Variants in WDR76 observed in about 807,000 individuals in gnomAD.
WDR76 encodes WD repeat-containing protein 76.
Under a neutral mutation model 70.2 loss-of-function variants are expected in WDR76, and 52 were observed. The ratio of observed to expected loss-of-function variants is 0.74; its 90% CI spans 0.59 to 0.93. The LOEUF is 0.93. Ranked by LOEUF, WDR76 falls within the 40% of genes least tolerant of loss-of-function variation. The pLI is 0.00. For synonymous variants in WDR76, 292 were observed against 271.1 expected (o/e 1.08, Z -0.76); for missense variants, 756 against 760.2 (o/e 0.99, Z 0.07).
At chr15:43,855,691 G>A (rs1567191106) in intron 9 of WDR76, among the ~76,000 whole-genome samples, 2 of 152,014 alleles carry the variant, frequency 1.3e-5, no homozygotes, top group African/African-American at 2.4e-5. Flanking sequence ...TTAATAACGT[G>A]CTCATGATAT....
chr15:43,839,569 T>C (rs1259970136), intron 4 of WDR76, 36 bp from the exon 5 acceptor site: 1 of 1,578,480 alleles, frequency 6.3e-7, no homozygotes. Context: ...TTTATTGTTT[T>C]GTGAGTATAA....
chr15:43,840,159 C>T (rs994854266), intron 5 of WDR76, among the ~76,000 whole-genome samples: 2 of 152,026 alleles, frequency 1.3e-5, no homozygotes, highest in Non-Finnish European at 2.9e-5. Flanking sequence ...GTGCCCGGCC[C>T]ATTTGTACGC....
chr15:43,866,736 C>T lies in WDR76; in HGVS notation c.*344C>T, dbSNP rs553846182. ...CCGCCTCCCAGGTTCAAGCGATTCT[C>T]CTGCCTCAGACTCCTAAGTAGCTGG... On this transcript the variant is annotated 3_prime_UTR_variant, in exon 13 of 13. Transcript: ENST00000263795. The T allele has an allele frequency of 9.2e-4, 195 of 211,478 alleles. 2 individuals are homozygous for T. In the South Asian group the frequency reaches 0.015, roughly 16 times the overall value. The allele number at this position is 211,478 out of a possible 1,614,324, so 13.1% of individuals were successfully genotyped here. A position where few individuals can be genotyped will look rare whatever the true frequency, so the allele number is the denominator to read the frequency against.
rs767669645 is a variant in WDR76 at position 43,866,379 on chromosome 15, A to G, written c.1868A>G (p.Glu623Gly). The G allele has an allele frequency of 2.5e-5, 41 of 1,613,736 alleles. No individual in the cohort carries two copies. The South Asian group carries it at 3.1e-4, about 12-fold the overall frequency. ...SSGKIHVFMN[E>G]KSC ...GGGAAGATACATGTTTTTATGAATG[A>G]AAAAAGCTGCTGAGTTTTTGGTTTA... Residue 623 changes from glutamate (E) to glycine (G), a missense_variant, in exon 13 of 13, where the codon GAA becomes GGA. Transcript: ENST00000263795.
intron 9 of WDR76, among the ~76,000 whole-genome samples, chr15:43,855,985 A>T (rs1000559752): frequency 6.6e-6 from 1 of 152,212 alleles, no homozygotes; most frequent in Non-Finnish European, 1.5e-5. Flanking sequence ...AAGTACACCT[A>T]TGCTTACAAG....
chr15:43,828,498 T>TA, intron 2 of WDR76, 132 bp downstream of exon 2: 3 of 792,896 alleles, frequency 3.8e-6, no homozygotes, highest in Non-Finnish European at 1.9e-6. Flanking sequence ...ATAAATGTAA[T>TA]AATACATTTT....
At chr15:43,838,443 C>T (rs2087684693) in intron 4 of WDR76, among the ~76,000 whole-genome samples, 1 of 152,162 alleles carries the variant, frequency 6.6e-6, no homozygotes, top group Non-Finnish European at 1.5e-5. Context: ...ACCTCAGCCT[C>T]CCAAAGTGCT....
rs370773260 is a variant in WDR76, at chr15:43,843,013, C to CTTTTTTTTTTT, written c.878+353_878+363dup. On this transcript the variant is annotated intron_variant, in intron 7 of 12. Transcript: ENST00000263795. ...TTTTGCATTACACTTTTTTCTTTTT[C>CTTTTTTTTTTT]TTTTTTTTTTTTTTTTTTTTTGTTT... Among the ~76,000 whole-genome samples the CTTTTTTTTTTT allele has an allele frequency of 6.6e-4, 79 of 119,904 alleles. 6 individuals carry two copies. The highest frequency in any genetic ancestry group is 7.4e-3 in the Middle Eastern group (1 of 136). The allele number at this position is 119,904 out of a possible 152,430, so 78.7% of individuals were successfully genotyped here. A position where few individuals can be genotyped will look rare whatever the true frequency, so the allele number is the denominator to read the frequency against.
intron 8 of WDR76, 57 bp downstream of exon 8, chr15:43,844,111 A>G: frequency 6.4e-7 from 1 of 1,550,838 alleles, no homozygotes; most frequent in Admixed American, 1.8e-5. Flanking sequence ...ATAGGCTGGA[A>G]GAGAATAGGC....
At chr15:43,851,958 A>G (rs2087865078) in intron 9 of WDR76, among the ~76,000 whole-genome samples, 1 of 152,180 alleles carries the variant, frequency 6.6e-6, no homozygotes, top group South Asian at 2.1e-4. Flanking sequence ...GCTACTCAGG[A>G]GGCTGAGGTG....
At position 43,866,407 on chromosome 15, in the gene WDR76, A is replaced by G. The variant is rs2088071723; in HGVS notation, c.*15A>G. ...AAAGCTGCTGAGTTTTTGGTTTAGG[A>G]ACATCAATTTGTTCAAATTGACCAC... On this transcript the variant is annotated 3_prime_UTR_variant, in exon 13 of 13. Transcript: ENST00000263795. 1 of 1,611,796 alleles carries G rather than the reference A, an allele frequency of 6.2e-7. No homozygotes were observed. Among genetic ancestry groups the G allele is most frequent in the Non-Finnish European group, 8.5e-7 (1 of 1,178,042 alleles).
intron 2 of WDR76, among the ~76,000 whole-genome samples, chr15:43,829,985 A>G (rs1337807191): frequency 6.6e-6 from 1 of 151,424 alleles, no homozygotes; most frequent in Non-Finnish European, 1.5e-5. Flanking sequence ...CAATTTGCAT[A>G]TCTTTTTTCT....
intron 8 of WDR76, among the ~76,000 whole-genome samples, chr15:43,847,022 C>CAA (rs57096588): frequency 2.3e-4 from 15 of 66,650 alleles, no homozygotes; most frequent in South Asian, 5.8e-4. Context: ...AACACCACCT[C>CAA]AAAAAAAAAA....
At chr15:43,840,693 T>C (rs939119362) in intron 5 of WDR76, among the ~76,000 whole-genome samples, 2 of 152,066 alleles carry the variant, frequency 1.3e-5, no homozygotes, top group South Asian at 2.1e-4. Context: ...AGAAATATAT[T>C]TGTGGCCAGG....
rs139119504 is a variant in WDR76, at chr15:43,835,068, C to T, written c.470C>T (p.Ser157Leu). 117 of 1,613,570 alleles carry T rather than the reference C, an allele frequency of 7.3e-5. No homozygotes were observed. The highest frequency in any genetic ancestry group is 1.6e-4 in the Middle Eastern group (1 of 6,084). ...TTTGGTGTAATTTTATAGGATTTTT[C>T]GGGATTGTCACCCTACGAAAGGAAG... ...DEDTTPSLDF[S>L]GLSPYERKRL... The change falls in exon 3 of 13, where the codon TCG becomes TTG. Residue 157 changes from serine to leucine, a missense_variant. Physicochemically the swap from Ser to Leu is moderately radical, Grantham distance 145. Transcript: ENST00000263795.
intron 9 of WDR76, among the ~76,000 whole-genome samples, chr15:43,855,778 G>A (rs1567191131): frequency 2.6e-5 from 4 of 151,974 alleles, no homozygotes; most frequent in Non-Finnish European, 1.5e-5. Context: ...GAAGCCAGGA[G>A]GCGGAGATTG....
intron 2 of WDR76, 56 bp from the exon 3 acceptor site, chr15:43,835,005 G>A: frequency 1.4e-6 from 2 of 1,442,834 alleles, no homozygotes; most frequent in East Asian, 2.3e-5. Context: ...GTTTTGTGAA[G>A]TGCTTTTCCT....
chr15:43,857,261 AG>A, intron 10 of WDR76, 98 bp downstream of exon 10: 3 of 1,250,094 alleles, frequency 2.4e-6, no homozygotes, highest in Non-Finnish European at 3.3e-6. Flanking sequence ...ATATTACAAA[AG>A]GTATTACTTT....
chr15:43,842,770 G>A (rs2087741747), intron 7 of WDR76, 99 bp downstream of exon 7: 1 of 1,105,862 alleles, frequency 9.0e-7, no homozygotes, highest in African/African-American at 1.6e-5. Flanking sequence ...GAGATGAAAT[G>A]TTTCCACCCT....
Sources: gnomAD v4.1 joint callset for allele counts (sites outside exome capture counted in the v4.1 genomes callset) on GRCh38, gnomAD v4.1.1 for gene constraint, MANE v1.5 for transcripts, NCBI Gene and HGNC (gene_info 2026-07-23, HGNC 2026-07-21) for gene names.